The following SEMA3A variants were observed in gnomAD, a reference collection of about 807,000 sequenced individuals.
The protein encoded by SEMA3A is semaphorin 3A.
A neutral mutation model predicts 97.9 loss-of-function variants in SEMA3A; 29 were observed. The ratio of observed to expected loss-of-function variants is 0.30; its 90% CI spans 0.22 to 0.40. The LOEUF (loss-of-function observed/expected upper bound fraction) is 0.40. Among genes scored for constraint, SEMA3A ranks in the 10% least tolerant of loss-of-function variants. SEMA3A has a pLI of 1.00. For missense variants in SEMA3A, 763 were observed against 951.3 expected (o/e 0.80, Z 2.60); for synonymous variants, 321 against 323.7 (o/e 0.99, Z 0.09).
intron 13 of SEMA3A, among the ~76,000 whole-genome samples, chr7:83,982,461 A>G (rs916331620): frequency 3.3e-5 from 5 of 152,214 alleles, no homozygotes; most frequent in Non-Finnish European, 5.9e-5. Context: ...AAATTTATTT[A>G]AACACAAAAT....
At chr7:84,363,838 G>T (rs1439794093) in intron 2 of SEMA3A, among the ~76,000 whole-genome samples, 1 of 151,732 alleles carries the variant, frequency 6.6e-6, no homozygotes, top group Non-Finnish European at 1.5e-5. Flanking sequence ...GGCTCTGCAA[G>T]GTCAACATTA....
intron 2 of SEMA3A, among the ~76,000 whole-genome samples, chr7:84,321,640 G>A (rs1562902542): frequency 6.6e-6 from 1 of 151,902 alleles, no homozygotes; most frequent in Admixed American, 6.6e-5. Flanking sequence ...ACTTTGGGAG[G>A]CCAAAGCAGG....
chr7:84,352,011 A>G (rs1325863924), intron 2 of SEMA3A, among the ~76,000 whole-genome samples: 2 of 151,334 alleles, frequency 1.3e-5, no homozygotes, highest in Admixed American at 1.3e-4. Flanking sequence ...AAAATGTAGT[A>G]TAGATACACA....
At chr7:84,433,023 AT>A (rs892772301) in intron 1 of SEMA3A, among the ~76,000 whole-genome samples, 10 of 151,912 alleles carry the variant, frequency 6.6e-5, no homozygotes, top group Non-Finnish European at 1.0e-4. Flanking sequence ...ACAGTGTATA[AT>A]GGTTTCCTTC....
At chr7:84,207,235 T>C (rs995220030) in intron 3 of SEMA3A, among the ~76,000 whole-genome samples, 1 of 152,206 alleles carries the variant, frequency 6.6e-6, no homozygotes, top group Non-Finnish European at 1.5e-5. Context: ...CCTCAACAAA[T>C]GTAAGTGAAT....
intron 1 of SEMA3A, among the ~76,000 whole-genome samples, chr7:84,150,783 G>C (rs1318518159): frequency 6.6e-6 from 1 of 152,056 alleles, no homozygotes. Flanking sequence ...CACCTCTGGG[G>C]GCAGGGCACA....
intron 4 of SEMA3A, among the ~76,000 whole-genome samples, chr7:84,063,101 G>T (rs577033679): frequency 6.6e-6 from 1 of 152,086 alleles, no homozygotes; most frequent in East Asian, 2.0e-4. Flanking sequence ...CCTCAAGTGG[G>T]TCCCTGACCC....
At chr7:84,477,878 A>G (rs1038808376) in intron 1 of SEMA3A, among the ~76,000 whole-genome samples, 1 of 152,142 alleles carries the variant, frequency 6.6e-6, no homozygotes, top group East Asian at 1.9e-4. Context: ...CACATGGTCA[A>G]TGTTGGCATT....
intron 1 of SEMA3A, among the ~76,000 whole-genome samples, chr7:84,489,625 TTGACAAAA>T (rs1179657247): frequency 2.0e-5 from 3 of 152,154 alleles, no homozygotes; most frequent in African/African-American, 7.2e-5. Flanking sequence ...GCTGTGGCCA[TTGACAAAA>T]TATGACACAT....
chr7:84,358,254 G>T (rs935902408), intron 2 of SEMA3A, among the ~76,000 whole-genome samples: 3 of 152,106 alleles, frequency 2.0e-5, no homozygotes, highest in African/African-American at 7.2e-5. Flanking sequence ...TTCTTCTAGG[G>T]TTTTTATGGT....
intron 13 of SEMA3A, among the ~76,000 whole-genome samples, chr7:83,983,239 TTTCTTTCTC>T (rs1044702564): frequency 6.6e-6 from 1 of 151,106 alleles, no homozygotes; most frequent in African/African-American, 2.5e-5. Context: ...CTTTCTTTCT[TTTCTTTCTC>T]TTCTTTCTTT....
intron 1 of SEMA3A, among the ~76,000 whole-genome samples, chr7:84,379,374 G>A (rs1803196975): frequency 6.6e-6 from 1 of 152,072 alleles, no homozygotes; most frequent in Non-Finnish European, 1.5e-5. Flanking sequence ...TAACACAAGT[G>A]AGCACATATA....
At chr7:84,085,254 A>G (rs1274481621) in intron 4 of SEMA3A, among the ~76,000 whole-genome samples, 1 of 141,862 alleles carries the variant, frequency 7.0e-6, no homozygotes, top group Non-Finnish European at 1.6e-5. Flanking sequence ...TTTTTTTCTA[A>G]CTGCATCAAT....
chr7:84,216,443 C>T (rs958106757), intron 3 of SEMA3A, among the ~76,000 whole-genome samples: 1 of 152,070 alleles, frequency 6.6e-6, no homozygotes, highest in Non-Finnish European at 1.5e-5. Context: ...GGAAGAGTAG[C>T]TCATTGCATT....
chr7:84,026,216 C>T (rs955791101), intron 6 of SEMA3A, among the ~76,000 whole-genome samples: 9 of 152,174 alleles, frequency 5.9e-5, no homozygotes, highest in African/African-American at 2.2e-4. Context: ...GTGCCCTCAA[C>T]TCTGTACCTT....
intron 1 of SEMA3A, among the ~76,000 whole-genome samples, chr7:84,420,844 A>G (rs951726783): frequency 6.6e-6 from 1 of 151,862 alleles, no homozygotes; most frequent in Non-Finnish European, 1.5e-5. Context: ...TATTCCTTTT[A>G]TCATTTTTTA....
chr7:84,446,111 G>C (rs1319880920), intron 1 of SEMA3A, among the ~76,000 whole-genome samples: 1 of 151,978 alleles, frequency 6.6e-6, no homozygotes, highest in Non-Finnish European at 1.5e-5. Flanking sequence ...TAGATGAATT[G>C]GACATACTCC....
At chr7:84,246,773 A>G (rs1039780973) in intron 3 of SEMA3A, among the ~76,000 whole-genome samples, 6 of 152,130 alleles carry the variant, frequency 3.9e-5, no homozygotes, top group African/African-American at 9.6e-5. Flanking sequence ...ACAAGGAACT[A>G]TAAGTGTGTG....
upstream of SEMA3A, among the ~76,000 whole-genome samples, chr7:84,197,730 CTTTTTTTT>C (rs139403623): frequency 2.9e-5 from 2 of 69,358 alleles, no homozygotes; most frequent in South Asian, 1.3e-3. Flanking sequence ...AAAGATCACT[CTTTTTTTT>C]TTTTTTTTTT....
Sources: allele counts gnomAD v4.1 joint callset (sites outside exome capture counted in the v4.1 genomes callset), GRCh38; gene constraint gnomAD v4.1.1; transcripts MANE v1.5; gene names NCBI Gene and HGNC (gene_info 2026-07-23, HGNC 2026-07-21).